The following GLIS1 variants were observed in gnomAD, a reference collection of about 807,000 sequenced individuals.
GLIS1 encodes zinc finger protein GLIS1.
A neutral mutation model predicts 63.8 loss-of-function variants in GLIS1; 24 were observed. The observed-to-expected ratio is 0.38, with a 90% CI of 0.27 to 0.53. The LOEUF is 0.53. Ranked by LOEUF, GLIS1 falls within the 20% of genes least tolerant of loss-of-function variation. GLIS1 has a pLI of 0.85. For synonymous variants in GLIS1, 450 were observed against 482.5 expected, an observed-to-expected ratio of 0.93 and a Z score of 0.88; for missense variants, 1,036 against 1,074.1, an observed-to-expected ratio of 0.96 and a Z score of 0.50.
intron 2 of GLIS1, among the ~76,000 whole-genome samples, chr1:53,702,492 G>C (rs890514357): frequency 6.6e-6 from 1 of 152,202 alleles, no homozygotes; most frequent in African/African-American, 2.4e-5. Flanking sequence ...AGGGTGGCAG[G>C]GGTTTCCAGA....
At position 53,729,344 on chromosome 1, in the gene GLIS1, T is replaced by A. The variant is rs563906227; in HGVS notation, c.259+8462A>T. ...TCAACGAGAAGCCCTAGCACAGAGA[T>A]ATTCTCACAAAGAGCGCTCCGTAAG... On this transcript the variant is annotated intron_variant, in intron 2 of 10. Coordinates refer to ENST00000628545, the MANE Select transcript of GLIS1 (RefSeq NM_001367484.1). 2.0e-4 allele frequency among the ~76,000 whole-genome samples: 30 copies of A among 152,116 alleles called. 2 individuals are homozygous for A. The East Asian group carries it at 5.0e-3, about 26-fold the overall frequency.
At chr1:53,531,804 C>T (rs1323870816) in intron 4 of GLIS1, among the ~76,000 whole-genome samples, 1 of 152,204 alleles carries the variant, frequency 6.6e-6, no homozygotes, top group Admixed American at 6.5e-5. Context: ...CTTAGACAGA[C>T]ATGTAGCAGT....
At chr1:53,720,316 T>G (rs191391490) in intron 2 of GLIS1, among the ~76,000 whole-genome samples, 1 of 152,346 alleles carries the variant, frequency 6.6e-6, no homozygotes, top group Non-Finnish European at 1.5e-5. Flanking sequence ...TAGAATATTA[T>G]TCAGCCCTTA....
chr1:53,507,350 G>A (rs1401689781), intron 10 of GLIS1, among the ~76,000 whole-genome samples: 1 of 152,216 alleles, frequency 6.6e-6, no homozygotes, highest in African/African-American at 2.4e-5. Flanking sequence ...GCTTGCCTAA[G>A]GTCACAGTGT....
chr1:53,604,928 G>GTA (rs1645354520), intron 2 of GLIS1, among the ~76,000 whole-genome samples: 3 of 10,828 alleles, frequency 2.8e-4, no homozygotes, highest in African/African-American at 3.0e-4. Context: ...GTGTGTGTGT[G>GTA]TGTGTATATA....
At chr1:53,600,318 G>A in intron 2 of GLIS1, 40 bp from the exon 3 acceptor site, 1 of 1,216,024 alleles carries the variant, frequency 8.2e-7, no homozygotes, top group Non-Finnish European at 1.0e-6. Flanking sequence ...CACAGTGAGT[G>A]GGAACAGCCT....
In GLIS1 at chr1:53,696,494, C is replaced by T. The variant is rs114112734; in HGVS notation, c.259+41312G>A. Among the ~76,000 whole-genome samples, 781 of 152,318 alleles carry T rather than the reference C, an allele frequency of 5.1e-3. 5 individuals carry two copies. Among genetic ancestry groups the T allele is most frequent in the South Asian group, 0.019 (91 of 4,822 alleles). ...ATCTGAAAGATCGAAAAATGCACCA[C>T]TTGCCCTTTCTCCAAAGAACCACAG... is the stretch of plus-strand genomic sequence containing the variant. On this transcript the variant is annotated intron_variant, in intron 2 of 10. Transcript: ENST00000628545.
At chr1:53,675,753 A>T (rs1385079863) in intron 2 of GLIS1, among the ~76,000 whole-genome samples, 3 of 152,172 alleles carry the variant, frequency 2.0e-5, no homozygotes, top group Non-Finnish European at 4.4e-5. Context: ...GGCACAGAGC[A>T]GCAAAGTCCG....
chr1:53,551,817 C>T (rs1306844105), intron 4 of GLIS1, among the ~76,000 whole-genome samples: 2 of 152,080 alleles, frequency 1.3e-5, no homozygotes, highest in Non-Finnish European at 2.9e-5. Context: ...TGGATGTACC[C>T]GGTGGTTCCT....
At chr1:53,596,019 C>T (rs965780993) in intron 3 of GLIS1, among the ~76,000 whole-genome samples, 5 of 152,208 alleles carry the variant, frequency 3.3e-5, no homozygotes, top group South Asian at 2.1e-4. Flanking sequence ...GCCGTGCAAA[C>T]GTGGGCAAGG....
intron 2 of GLIS1, among the ~76,000 whole-genome samples, chr1:53,621,596 CTTGT>C (rs1227369540): frequency 6.6e-6 from 1 of 152,174 alleles, no homozygotes; most frequent in African/African-American, 2.4e-5. Context: ...TTACCCAAAA[CTTGT>C]TTATTTTAAC....
intron 2 of GLIS1, among the ~76,000 whole-genome samples, chr1:53,711,405 A>G (rs1646645187): frequency 6.6e-6 from 1 of 152,222 alleles, no homozygotes; most frequent in South Asian, 2.1e-4. Flanking sequence ...TAAAAACAAA[A>G]GAAAAAAAGA....
At chr1:53,537,596 A>G (rs1034309850) in intron 4 of GLIS1, among the ~76,000 whole-genome samples, 2 of 152,208 alleles carry the variant, frequency 1.3e-5, no homozygotes, top group African/African-American at 2.4e-5. Context: ...GGCTGGTAGA[A>G]GTAAATAAAA....
intron 2 of GLIS1, among the ~76,000 whole-genome samples, chr1:53,633,861 T>C (rs908319069): frequency 6.6e-6 from 1 of 152,146 alleles, no homozygotes; most frequent in East Asian, 1.9e-4. Context: ...ACAGGATCAC[T>C]TTGGCCACTG....
intron 2 of GLIS1, among the ~76,000 whole-genome samples, chr1:53,602,466 G>C (rs141139616): frequency 3.3e-5 from 5 of 152,080 alleles, no homozygotes; most frequent in African/African-American, 1.2e-4. Context: ...GTCTCTAACG[G>C]GGGTGCCGTT....
intron 2 of GLIS1, among the ~76,000 whole-genome samples, chr1:53,613,137 C>T (rs1206488373): frequency 6.6e-6 from 1 of 152,164 alleles, no homozygotes; most frequent in Non-Finnish European, 1.5e-5. Context: ...TAAACAAATG[C>T]TTTTTATATT....
At chr1:53,683,356 A>G (rs1207933346) in intron 2 of GLIS1, among the ~76,000 whole-genome samples, 3 of 150,876 alleles carry the variant, frequency 2.0e-5, no homozygotes, top group Non-Finnish European at 3.0e-5. Context: ...AGCCCCCCCA[A>G]CCAAAGGCCT....
chr1:53,603,407 C>T (rs1376503422), intron 2 of GLIS1, among the ~76,000 whole-genome samples: 2 of 152,192 alleles, frequency 1.3e-5, no homozygotes, highest in African/African-American at 4.8e-5. Context: ...GACTCTGCCC[C>T]GGGATACCTG....
rs1644473070 is a variant in GLIS1 at position 53,526,699 on chromosome 1, A to C, written c.1483-1812T>G. Among the ~76,000 whole-genome samples the C allele has an allele frequency of 6.6e-6, 1 of 152,226 alleles. No homozygotes were observed. Among genetic ancestry groups the C allele is most frequent in the Non-Finnish European group, 1.5e-5 (1 of 68,040 alleles). On this transcript the variant is annotated intron_variant, in intron 5 of 10. Coordinates refer to ENST00000628545, the MANE Select transcript of GLIS1 (RefSeq NM_001367484.1). The surrounding 1 kb of genome is among the most constrained non-coding windows in gnomAD (Gnocchi z 4.4). ...ACTGTCCCTTGGGGATGCTGATACA[A>C]ATCCACTCGCTTTCGTCTAAAAGCA...
Sources: gnomAD v4.1 joint callset for allele counts (sites outside exome capture counted in the v4.1 genomes callset) on GRCh38, gnomAD v4.1.1 for gene constraint, Gnocchi (gnomAD v3.1) non-coding constraint, MANE v1.5 for transcripts, NCBI Gene and HGNC (gene_info 2026-07-23, HGNC 2026-07-21) for gene names.